The following AMPH variants were observed in gnomAD, a reference collection of about 807,000 sequenced individuals.
AMPH encodes amphiphysin (Stiff-Mann syndrome with breast cancer 128kD autoantigen).
Under a neutral mutation model 99.1 loss-of-function variants are expected in AMPH, and 49 were observed. The ratio of observed to expected loss-of-function variants is 0.49; its 90% CI spans 0.39 to 0.63. AMPH has a LOEUF of 0.63. AMPH is among the 20% of genes least tolerant of loss of function. The pLI, the probability that AMPH is intolerant of heterozygous loss-of-function variation, is 0.00. For synonymous variants in AMPH, 314 were observed against 317.3 expected (o/e 0.99, Z 0.11); for missense variants, 759 against 863.4 (o/e 0.88, Z 1.52).
chr7:38,461,459 C>T (rs781406746), intron 10 of AMPH, 48 bp from the exon 11 acceptor site: 1 of 1,611,526 alleles, frequency 6.2e-7, no homozygotes, highest in South Asian at 1.1e-5. Context: ...GACAATGTGT[C>T]AGACACGAAG....
chr7:38,562,388 C>T (rs1277288612), intron 1 of AMPH, among the ~76,000 whole-genome samples: 1 of 152,096 alleles, frequency 6.6e-6, no homozygotes, highest in Non-Finnish European at 1.5e-5. Flanking sequence ...TTTTAAAGCA[C>T]GTCTTAAATT....
At chr7:38,616,324 T>C (rs146268383) in intron 1 of AMPH, among the ~76,000 whole-genome samples, 9 of 152,176 alleles carry the variant, frequency 5.9e-5, no homozygotes, top group African/African-American at 2.2e-4. Context: ...GTGAAAAAAA[T>C]ACAACTCAGC....
chr7:38,588,579 G>A (rs1792747368), intron 1 of AMPH, among the ~76,000 whole-genome samples: 1 of 152,090 alleles, frequency 6.6e-6, no homozygotes, highest in Non-Finnish European at 1.5e-5. Context: ...AGCCTGTCAA[G>A]ATGTAAAACT....
chr7:38,445,090 A>T (rs534484605), intron 11 of AMPH, among the ~76,000 whole-genome samples: 1 of 150,164 alleles, frequency 6.7e-6, no homozygotes, highest in African/African-American at 2.4e-5. Context: ...TATACATGGT[A>T]TATACATATA....
chr7:38,614,264 C>G (rs1423671021), intron 1 of AMPH, among the ~76,000 whole-genome samples: 1 of 152,200 alleles, frequency 6.6e-6, no homozygotes, highest in African/African-American at 2.4e-5. Flanking sequence ...ATACTGGGGG[C>G]AACCTGCAAT....
At chr7:38,426,866 A>C in intron 15 of AMPH, 88 bp downstream of exon 15, 1 of 1,218,940 alleles carries the variant, frequency 8.2e-7, no homozygotes, top group Non-Finnish European at 1.2e-6. Context: ...TCATTACGCT[A>C]TACTAGTGGC....
chr7:38,611,654 C>A (rs75766103), intron 1 of AMPH, among the ~76,000 whole-genome samples: 4,799 of 152,306 alleles, frequency 0.032, 105 homozygotes, highest in Middle Eastern at 0.065. Flanking sequence ...TGTACCCTGG[C>A]TGGAACAATA....
At chr7:38,482,885 C>T (rs751666154) in intron 5 of AMPH, among the ~76,000 whole-genome samples, 14 of 151,956 alleles carry the variant, frequency 9.2e-5, no homozygotes, top group Non-Finnish European at 1.8e-4. Flanking sequence ...AATAGGAAGC[C>T]CTGGACTCTC....
intron 1 of AMPH, 143 bp downstream of exon 1, chr7:38,631,140 G>A: frequency 1.5e-6 from 1 of 677,896 alleles, no homozygotes; most frequent in Non-Finnish European, 2.0e-6. Flanking sequence ...CTGAGGGCAG[G>A]GCGTCCCAGC....
At chr7:38,414,419 G>C (rs981354194) in intron 17 of AMPH, among the ~76,000 whole-genome samples, 10 of 151,926 alleles carry the variant, frequency 6.6e-5, no homozygotes, top group Non-Finnish European at 1.5e-5. Flanking sequence ...GCATTATTTT[G>C]AAAAAATAAT....
chr7:38,417,711 T>C, intron 17 of AMPH, 114 bp downstream of exon 17: 6 of 1,374,382 alleles, frequency 4.4e-6, no homozygotes, highest in Non-Finnish European at 5.9e-6. Context: ...CTACGACAGA[T>C]ATGGAGCATG....
chr7:38,626,741 C>A (rs1038441110), intron 1 of AMPH, among the ~76,000 whole-genome samples: 4 of 152,124 alleles, frequency 2.6e-5, no homozygotes, highest in Admixed American at 2.0e-4. Context: ...AAGAAACTAT[C>A]ATCAGAGTGG....
chr7:38,554,252 T>A (rs1217097771), intron 1 of AMPH, among the ~76,000 whole-genome samples: 3 of 152,192 alleles, frequency 2.0e-5, no homozygotes, highest in African/African-American at 7.2e-5. Flanking sequence ...GATAACCAGG[T>A]AAATCTGAAG....
At chr7:38,397,763 A>C (rs1055943398) in intron 17 of AMPH, among the ~76,000 whole-genome samples, 3 of 152,196 alleles carry the variant, frequency 2.0e-5, no homozygotes, top group African/African-American at 7.2e-5. Context: ...CCATCTGACA[A>C]GGGATTAATA....
intron 2 of AMPH, among the ~76,000 whole-genome samples, chr7:38,534,247 G>A (rs558521645): frequency 2.1e-4 from 32 of 151,910 alleles, no homozygotes; most frequent in African/African-American, 3.4e-4. Context: ...TCCCTGTTGC[G>A]AATGCATGCT....
Position 38,389,858 on chromosome 7 carries a change from G to A in AMPH, c.1926C>T (p.Thr642=). Residue 642 remains threonine (T), a synonymous_variant, in exon 20 of 21, where the codon ACC becomes ACT. Transcript: ENST00000356264. ...DFEAANSDEL[T]LQRGDVVLVV... ...CCAGCACCACATCACCCCTTTGTAA[G>A]GTAAGTTCATCAGAATTTGCTGCCT... The A allele has an allele frequency of 1.2e-6, 2 of 1,613,918 alleles. No individual in the cohort carries two copies. The highest frequency in any genetic ancestry group is 1.7e-6 in the Non-Finnish European group (2 of 1,179,998).
chr7:38,447,521 A>G (rs1386788107), intron 11 of AMPH, among the ~76,000 whole-genome samples: 1 of 152,108 alleles, frequency 6.6e-6, no homozygotes, highest in African/African-American at 2.4e-5. Context: ...TCAATATATA[A>G]CTATAGCCAT....
At chr7:38,496,712 C>T (rs1052650667) in intron 3 of AMPH, among the ~76,000 whole-genome samples, 3 of 152,122 alleles carry the variant, frequency 2.0e-5, no homozygotes, top group African/African-American at 7.2e-5. Flanking sequence ...AAATCTCTAT[C>T]AAGAAATATA....
intron 11 of AMPH, among the ~76,000 whole-genome samples, chr7:38,456,048 C>G (rs1433848643): frequency 2.0e-5 from 3 of 152,204 alleles, no homozygotes; most frequent in Non-Finnish European, 4.4e-5. Context: ...TCCCCAGTTG[C>G]AGTGGGTGCC....
Sources: gnomAD v4.1 joint callset for allele counts (sites outside exome capture counted in the v4.1 genomes callset) on GRCh38, gnomAD v4.1.1 for gene constraint, MANE v1.5 for transcripts, NCBI Gene and HGNC (gene_info 2026-07-23, HGNC 2026-07-21) for gene names.